Variants in PREP observed in about 807,000 individuals in gnomAD.
PREP encodes prolyl endopeptidase, also known as dJ355L5.1 (prolyl endopeptidase).
Under a neutral mutation model 87.6 loss-of-function variants are expected in PREP, and 29 were observed. The ratio of observed to expected loss-of-function variants is 0.33; its 90% CI spans 0.25 to 0.45. PREP has a LOEUF of 0.45. Ranked by LOEUF, PREP falls within the 20% of genes least tolerant of loss-of-function variation. PREP has a pLI of 1.00. For synonymous variants in PREP, 337 were observed against 328.6 expected, an observed-to-expected ratio of 1.03 and a Z score of -0.28; for missense variants, 695 against 886.5, an observed-to-expected ratio of 0.78 and a Z score of 2.74.
chr6:105,383,927 A>G (rs1772918175), intron 2 of PREP, among the ~76,000 whole-genome samples: 1 of 152,136 alleles, frequency 6.6e-6, no homozygotes, highest in Non-Finnish European at 1.5e-5. Context: ...AGGACATTAA[A>G]CACACTCATA....
rs75784846 is a variant in PREP at position 105,358,714 on chromosome 6, C to T, written c.718-5637G>A. Among the ~76,000 whole-genome samples, 313 of 152,288 alleles carry T rather than the reference C, an allele frequency of 2.1e-3. 7 individuals carry two copies. The East Asian group carries it at 0.052, about 25-fold the overall frequency. On this transcript the variant is annotated intron_variant, in intron 6 of 14. Coordinates refer to ENST00000652536, the MANE Select transcript of PREP (RefSeq NM_002726.5). Reference sequence around the variant, plus strand: ...GGAGTAATTCACTCTTCCCCCTTGCCTTGGCTACTCTTTCTTGGCAAAGTT... The same window carrying T: ...GGAGTAATTCACTCTTCCCCCTTGCTTTGGCTACTCTTTCTTGGCAAAGTT...
chr6:105,321,696 G>A lies in PREP; in HGVS notation c.1317+1969C>T, dbSNP rs77170753. 0.011 allele frequency among the ~76,000 whole-genome samples: 1,719 copies of A among 152,182 alleles called. 108 individuals are homozygous for A. The East Asian group carries it at 0.17, about 15-fold the overall frequency. ...TAAGAGATATTTCCCTGGAAGAAGC[G>A]GCCTCCCTGGCAGTTGTCATTATTA... On this transcript the variant is annotated intron_variant, in intron 10 of 14. Coordinates refer to ENST00000652536, the MANE Select transcript of PREP (RefSeq NM_002726.5).
At chr6:105,331,387 T>G (rs1031070796) in intron 8 of PREP, among the ~76,000 whole-genome samples, 3 of 152,214 alleles carry the variant, frequency 2.0e-5, no homozygotes, top group Non-Finnish European at 4.4e-5. Context: ...TAAGGCATAG[T>G]TAAAACCCCT....
intron 14 of PREP, among the ~76,000 whole-genome samples, chr6:105,279,942 C>CAAAT (rs1207109737): frequency 7.2e-5 from 11 of 152,230 alleles, no homozygotes; most frequent in Admixed American, 1.3e-4. Flanking sequence ...ATTCCTTCTT[C>CAAAT]AAATATATAG....
chr6:105,340,104 G>T (rs974810315), intron 7 of PREP, among the ~76,000 whole-genome samples: 5 of 120,392 alleles, frequency 4.2e-5, no homozygotes, highest in African/African-American at 2.2e-4. Flanking sequence ...ATTCACCAAG[G>T]TTGAAATGAA....
chr6:105,338,600 C>A (rs1223236274), intron 7 of PREP, among the ~76,000 whole-genome samples: 1 of 152,206 alleles, frequency 6.6e-6, no homozygotes, highest in African/African-American at 2.4e-5. Context: ...ATCACCTCAA[C>A]CAGGAAATGC....
At chr6:105,371,222 C>T (rs780249457) in intron 5 of PREP, among the ~76,000 whole-genome samples, 5 of 152,038 alleles carry the variant, frequency 3.3e-5, no homozygotes, top group African/African-American at 9.7e-5. Context: ...AGTTAAGTAT[C>T]GGCCAGGCGT....
At chr6:105,388,502 G>A (rs559100252) in intron 2 of PREP, among the ~76,000 whole-genome samples, 7 of 151,664 alleles carry the variant, frequency 4.6e-5, no homozygotes, top group Non-Finnish European at 8.8e-5. Flanking sequence ...GGGGTGGGGA[G>A]AAAAGGGAAC....
At chr6:105,315,599 AAACTTTGG>A (rs1454269190) in intron 10 of PREP, among the ~76,000 whole-genome samples, 1 of 152,186 alleles carries the variant, frequency 6.6e-6, no homozygotes, top group African/African-American at 2.4e-5. Flanking sequence ...TGGAACTTTG[AAACTTTGG>A]AACTTTGAAG....
At chr6:105,360,562 A>G (rs981019201) in intron 6 of PREP, among the ~76,000 whole-genome samples, 7 of 152,230 alleles carry the variant, frequency 4.6e-5, no homozygotes. Flanking sequence ...CTGTGGTTCT[A>G]GGCTACACTA....
intron 7 of PREP, among the ~76,000 whole-genome samples, chr6:105,348,197 G>A (rs1771848414): frequency 1.3e-5 from 2 of 150,890 alleles, no homozygotes; most frequent in South Asian, 4.2e-4. Context: ...ACAATATAAA[G>A]GAATGAAAAA....
intron 10 of PREP, among the ~76,000 whole-genome samples, chr6:105,292,236 CAG>C (rs1255470250): frequency 6.6e-6 from 1 of 152,172 alleles, no homozygotes; most frequent in Non-Finnish European, 1.5e-5. Flanking sequence ...CCAGATCCAT[CAG>C]AGGAACGTAT....
intron 7 of PREP, among the ~76,000 whole-genome samples, chr6:105,334,204 CTT>C (rs1348023597): frequency 6.6e-6 from 1 of 152,198 alleles, no homozygotes; most frequent in African/African-American, 2.4e-5. Context: ...CTTTCAATGA[CTT>C]CTCCATTATA....
chr6:105,297,888 T>C (rs1312205473), intron 10 of PREP, among the ~76,000 whole-genome samples: 1 of 152,140 alleles, frequency 6.6e-6, no homozygotes, highest in Non-Finnish European at 1.5e-5. Flanking sequence ...ACAGATAAGA[T>C]TGTCTTTGGA....
At chr6:105,351,505 G>C (rs76510172) in intron 7 of PREP, among the ~76,000 whole-genome samples, 1 of 152,146 alleles carries the variant, frequency 6.6e-6, no homozygotes, top group Non-Finnish European at 1.5e-5. Context: ...GATAAGGACC[G>C]AGAGGTTGGG....
At position 105,274,297 on chromosome 6, in the gene PREP, C is replaced by T. The variant is rs754487212; in HGVS notation, c.*3847G>A. Among the ~76,000 whole-genome samples, 7 of 145,906 alleles carry T rather than the reference C, an allele frequency of 4.8e-5. No individual in the cohort carries two copies. Among genetic ancestry groups the T allele is most frequent in the East Asian group, 2.2e-4 (1 of 4,542 alleles). On this transcript the variant is annotated 3_prime_UTR_variant, in exon 15 of 15. Transcript: ENST00000652536. ...TCCTCACATGGTGGAAGGGATGGGG[C>T]GGGGGGGTCTCTCCTTGGGCTCTAA...
chr6:105,316,446 T>C (rs1770871121), intron 10 of PREP, among the ~76,000 whole-genome samples: 1 of 152,164 alleles, frequency 6.6e-6, no homozygotes, highest in South Asian at 2.1e-4. Context: ...CACTGTGATG[T>C]AATAATGAAA....
chr6:105,389,370 A>G (rs1019948508), intron 2 of PREP, among the ~76,000 whole-genome samples: 1 of 152,194 alleles, frequency 6.6e-6, no homozygotes, highest in Non-Finnish European at 1.5e-5. Context: ...TGCAATTTGT[A>G]TCTTCTGACT....
At chr6:105,369,100 G>T in intron 5 of PREP, 76 bp from the exon 6 acceptor site, 1 of 1,482,658 alleles carries the variant, frequency 6.7e-7, no homozygotes, top group Non-Finnish European at 9.3e-7. Context: ...ATTGCAGAAT[G>T]CTAGACACAT....
Sources: allele counts gnomAD v4.1 joint callset (sites outside exome capture counted in the v4.1 genomes callset), GRCh38; gene constraint gnomAD v4.1.1; transcripts MANE v1.5; gene names NCBI Gene and HGNC (gene_info 2026-07-23, HGNC 2026-07-21).